The following BBS9 variants were observed in gnomAD, a reference collection of about 807,000 sequenced individuals.
BBS9 encodes the protein protein PTHB1.
A neutral mutation model predicts 117.7 loss-of-function variants in BBS9; 89 were observed. The ratio of observed to expected loss-of-function variants is 0.76; its 90% CI spans 0.64 to 0.90. BBS9 has a LOEUF of 0.90. BBS9 is among the 40% of genes least tolerant of loss of function. BBS9 has a pLI of 0.00. For missense variants in BBS9, 982 were observed against 1,042.2 expected (o/e 0.94, Z 0.80); for synonymous variants, 379 against 370.9 (o/e 1.02, Z -0.25).
At chr7:33,175,045 T>G (rs1797129319) in intron 4 of BBS9, among the ~76,000 whole-genome samples, 1 of 152,266 alleles carries the variant, frequency 6.6e-6, no homozygotes, top group Admixed American at 6.5e-5. Context: ...GACTCATGCC[T>G]GTAATCCCAG....
At chr7:33,592,326 A>G (rs1862064569) in intron 21 of BBS9, among the ~76,000 whole-genome samples, 1 of 152,022 alleles carries the variant, frequency 6.6e-6, no homozygotes, top group Non-Finnish European at 1.5e-5. Context: ...CACATGCTAT[A>G]TTTTCTGCAT....
downstream of BBS9, among the ~76,000 whole-genome samples, chr7:33,608,785 A>G (rs1364031467): frequency 1.3e-5 from 2 of 152,074 alleles, no homozygotes; most frequent in East Asian, 1.9e-4. Context: ...TAGTTTGCAC[A>G]TATTTTCTCC....
At chr7:33,253,924 G>A (rs1796620781) in intron 5 of BBS9, among the ~76,000 whole-genome samples, 1 of 152,142 alleles carries the variant, frequency 6.6e-6, no homozygotes, top group Non-Finnish European at 1.5e-5. Context: ...TGTGTCTAGT[G>A]ATAATTCATG....
chr7:33,478,708 G>C (rs1433549474), intron 19 of BBS9, among the ~76,000 whole-genome samples: 3 of 151,584 alleles, frequency 2.0e-5, no homozygotes, highest in African/African-American at 7.3e-5. Context: ...TTTTTTGTTT[G>C]TTTTTCTTTT....
rs117952202 is a variant in BBS9 at position 33,556,934 on chromosome 7, G to A, written c.2521+22758G>A. 1.2e-4 allele frequency among the ~76,000 whole-genome samples: 19 copies of A among 152,272 alleles called. No homozygotes were observed. The East Asian group carries it at 2.7e-3, about 22-fold the overall frequency. ...ACTAACCTAATCTAAAGGGTTCTAC[G>A]TGGGACTGGGAGTTGAAATGTAAGC... On this transcript the variant is annotated intron_variant, in intron 21 of 22. Coordinates refer to ENST00000242067, the MANE Select transcript of BBS9 (RefSeq NM_198428.3).
intron 19 of BBS9, among the ~76,000 whole-genome samples, chr7:33,438,118 C>G (rs1446893025): frequency 6.6e-6 from 1 of 152,150 alleles, no homozygotes; most frequent in East Asian, 1.9e-4. Context: ...TACCACAGAA[C>G]TAAACCAATT....
chr7:33,152,338 A>G (rs974684771), intron 2 of BBS9, among the ~76,000 whole-genome samples: 1 of 152,168 alleles, frequency 6.6e-6, no homozygotes, highest in African/African-American at 2.4e-5. Context: ...GACAGCCACA[A>G]GCAGTTATAG....
At chr7:33,614,959 G>A (rs554108557) in intron 21 of BBS9, among the ~76,000 whole-genome samples, 1 of 152,164 alleles carries the variant, frequency 6.6e-6, no homozygotes, top group South Asian at 2.1e-4. Flanking sequence ...CGTGAAAGAC[G>A]GGAAATACCT....
chr7:33,487,472 TG>T (rs1843275646), intron 19 of BBS9, among the ~76,000 whole-genome samples: 1 of 152,212 alleles, frequency 6.6e-6, no homozygotes, highest in African/African-American at 2.4e-5. Flanking sequence ...AAACTAAATC[TG>T]TGAGGCAAGT....
chr7:33,570,813 G>A (rs1196489946), intron 21 of BBS9, among the ~76,000 whole-genome samples: 3 of 152,122 alleles, frequency 2.0e-5, no homozygotes, highest in Non-Finnish European at 4.4e-5. Flanking sequence ...ATCTAATTAT[G>A]ATGAAGCACC....
intron 1 of BBS9, among the ~76,000 whole-genome samples, chr7:33,136,795 A>G (rs1790535163): frequency 6.6e-6 from 1 of 151,974 alleles, no homozygotes. Context: ...TTTTCTTGTG[A>G]TGTGTTTGGT....
intron 9 of BBS9, among the ~76,000 whole-genome samples, chr7:33,318,450 C>G (rs1810997841): frequency 6.6e-6 from 1 of 152,112 alleles, no homozygotes; most frequent in African/African-American, 2.4e-5. Flanking sequence ...AGTGAGGTCT[C>G]TTGTAACCAT....
intron 9 of BBS9, among the ~76,000 whole-genome samples, chr7:33,333,422 G>T (rs1814572119): frequency 6.6e-6 from 1 of 152,046 alleles, no homozygotes; most frequent in African/African-American, 2.4e-5. Flanking sequence ...TCCATGGTGT[G>T]TATACACATT....
intron 21 of BBS9, among the ~76,000 whole-genome samples, chr7:33,626,229 C>A (rs1041788024): frequency 3.9e-5 from 6 of 152,330 alleles, no homozygotes; most frequent in Admixed American, 3.9e-4. Context: ...TTCCCCTTCA[C>A]CTTCCGCTGT....
intron 4 of BBS9, among the ~76,000 whole-genome samples, chr7:33,168,594 A>T (rs60039721): frequency 4.6e-5 from 7 of 152,312 alleles, no homozygotes; most frequent in Admixed American, 3.3e-4. Flanking sequence ...ATAAAATCTC[A>T]TAAATAAATT....
At chr7:33,315,895 C>T (rs1302219611) in intron 9 of BBS9, among the ~76,000 whole-genome samples, 1 of 152,118 alleles carries the variant, frequency 6.6e-6, no homozygotes, top group Non-Finnish European at 1.5e-5. Flanking sequence ...TAAGCTTAAA[C>T]AATTATCAAC....
intron 1 of BBS9, among the ~76,000 whole-genome samples, chr7:33,134,957 A>G (rs552452527): frequency 6.6e-6 from 1 of 152,046 alleles, no homozygotes; most frequent in South Asian, 2.1e-4. Context: ...CAGTGGTGCA[A>G]TCATGGCTCT....
chr7:33,363,809 C>T (rs1031837149), intron 16 of BBS9, among the ~76,000 whole-genome samples: 3 of 150,758 alleles, frequency 2.0e-5, no homozygotes, highest in South Asian at 4.2e-4. Context: ...ACATTCTTAT[C>T]GTTTTCTTCT....
At chr7:33,488,657 T>A (rs1436596229) in intron 19 of BBS9, among the ~76,000 whole-genome samples, 2 of 152,174 alleles carry the variant, frequency 1.3e-5, no homozygotes, top group Non-Finnish European at 2.9e-5. Flanking sequence ...ATTTACAGTG[T>A]CATGAACTAT....
Sources: allele counts gnomAD v4.1 joint callset (sites outside exome capture counted in the v4.1 genomes callset), GRCh38; gene constraint gnomAD v4.1.1; transcripts MANE v1.5; gene names NCBI Gene and HGNC (gene_info 2026-07-23, HGNC 2026-07-21).